Variants in SLC24A2 observed in about 807,000 individuals in gnomAD.
SLC24A2 encodes the protein solute carrier family 24 member 2.
In SLC24A2, 36 loss-of-function variants were observed where a neutral mutation model predicts 62.0. That is an observed-to-expected ratio of 0.58 (90% CI 0.44 to 0.77). The LOEUF is 0.77. SLC24A2 is among the 30% of genes least tolerant of loss of function. The probability of loss-of-function intolerance (pLI) is 0.00; values close to 1 mark genes in which losing one functional copy is unlikely to be tolerated. For missense variants in SLC24A2, 846 were observed against 817.9 expected, an observed-to-expected ratio of 1.03 and a Z score of -0.42; for synonymous variants, 358 against 294.0, an observed-to-expected ratio of 1.22 and a Z score of -2.23.
At chr9:19,527,980 A>G in intron 9 of SLC24A2, 69 bp downstream of exon 9, 1 of 984,698 alleles carries the variant, frequency 1.0e-6, no homozygotes, top group Non-Finnish European at 1.6e-6. Flanking sequence ...AGCAAACACA[A>G]TGATTAAACA....
At chr9:20,275,259 G>A in the SLC24A2 span, among the ~76,000 whole-genome samples, 1 of 152,134 alleles carries the variant, frequency 6.6e-6, no homozygotes, top group African/African-American at 2.4e-5. Flanking sequence ...AAGAGGACTT[G>A]AAAATCACGG....
the SLC24A2 span, among the ~76,000 whole-genome samples, chr9:20,232,044 T>C: frequency 6.6e-6 from 1 of 152,216 alleles, no homozygotes; most frequent in Non-Finnish European, 1.5e-5. Flanking sequence ...CATTTATTGA[T>C]TTGCATATGT....
intron 2 of SLC24A2, among the ~76,000 whole-genome samples, chr9:19,720,837 ATGTGTGTGTGTGTGTGTGTGTGTGTGTG>A (rs10692458): frequency 7.1e-6 from 1 of 140,434 alleles, no homozygotes; most frequent in Admixed American, 7.1e-5. Flanking sequence ...ATGTGGAATG[ATGTGTGTGTGTGTGTGTGTGTGTGTGTG>A]TGTGTGTGTG....
chr9:19,900,642 T>C, the SLC24A2 span, among the ~76,000 whole-genome samples: 2 of 152,206 alleles, frequency 1.3e-5, no homozygotes, highest in African/African-American at 4.8e-5. Context: ...TGAAACAAAG[T>C]ATGCAAATAA....
the SLC24A2 span, among the ~76,000 whole-genome samples, chr9:19,902,154 G>A: frequency 6.6e-6 from 1 of 152,122 alleles, no homozygotes; most frequent in Non-Finnish European, 1.5e-5. Flanking sequence ...GGTTGGTTGT[G>A]TCTAAACTGC....
chr9:19,979,524 T>C, the SLC24A2 span, among the ~76,000 whole-genome samples: 1 of 152,200 alleles, frequency 6.6e-6, no homozygotes. Context: ...CATATAGACA[T>C]ACACGCTTTT....
the SLC24A2 span, among the ~76,000 whole-genome samples, chr9:20,300,813 T>A: frequency 2.0e-5 from 3 of 152,220 alleles, no homozygotes; most frequent in Non-Finnish European, 2.9e-5. Context: ...TTAGGGGCAA[T>A]GCTTTGTTCT....
intron 8 of SLC24A2, among the ~76,000 whole-genome samples, chr9:19,546,775 G>T (rs7860017): frequency 0.85 from 128,919 of 151,758 alleles, 54,973 homozygotes; most frequent in East Asian, 1. Context: ...GCTAGCTCAG[G>T]GTCTGCCCAA....
the SLC24A2 span, among the ~76,000 whole-genome samples, chr9:19,921,805 C>G: frequency 2.0e-5 from 3 of 152,114 alleles, no homozygotes; most frequent in Non-Finnish European, 4.4e-5. Flanking sequence ...AAAAGAGACT[C>G]CAAGCCCTGC....
intron 8 of SLC24A2, among the ~76,000 whole-genome samples, chr9:19,538,930 T>TG (rs1834109037): frequency 1.5e-5 from 2 of 131,156 alleles, no homozygotes. Context: ...GGTTTAGTCT[T>TG]GGGAGAGTGT....
chr9:20,307,858 C>G, the SLC24A2 span, among the ~76,000 whole-genome samples: 1 of 152,156 alleles, frequency 6.6e-6, no homozygotes, highest in Non-Finnish European at 1.5e-5. Flanking sequence ...CTTTGCTCAG[C>G]TGCAGCAATT....
At chr9:20,177,474 A>G in the SLC24A2 span, among the ~76,000 whole-genome samples, 1 of 152,234 alleles carries the variant, frequency 6.6e-6, no homozygotes, top group African/African-American at 2.4e-5. Context: ...CCAAAAGAGC[A>G]CAAATGACCC....
chr9:19,820,070 T>TAC, the SLC24A2 span, among the ~76,000 whole-genome samples: 1 of 123,614 alleles, frequency 8.1e-6, no homozygotes, highest in African/African-American at 3.1e-5. Flanking sequence ...TATATATATA[T>TAC]ATATATATAT....
chr9:20,281,168 G>A, the SLC24A2 span, among the ~76,000 whole-genome samples: 20 of 152,102 alleles, frequency 1.3e-4, no homozygotes, highest in African/African-American at 3.9e-4. Context: ...GGGCTCAAGC[G>A]ATCCTCCAGC....
chr9:19,983,735 T>C, the SLC24A2 span, among the ~76,000 whole-genome samples: 1 of 152,124 alleles, frequency 6.6e-6, no homozygotes, highest in African/African-American at 2.4e-5. Flanking sequence ...TACAATTGCA[T>C]GCAATTGAAT....
intron 2 of SLC24A2, among the ~76,000 whole-genome samples, chr9:19,652,939 GTTTCA>G (rs1818842568): frequency 6.3e-5 from 1 of 15,900 alleles, no homozygotes; most frequent in African/African-American, 2.6e-4. Context: ...CTTCCATCCT[GTTTCA>G]ACCTTCTCTT....
chr9:19,517,935 A>T (rs1000307106), intron 10 of SLC24A2, among the ~76,000 whole-genome samples: 45 of 148,154 alleles, frequency 3.0e-4, no homozygotes, highest in South Asian at 1.6e-3. Context: ...ACACACACAC[A>T]CACACACACA....
the SLC24A2 span, among the ~76,000 whole-genome samples, chr9:20,179,899 C>T: frequency 0.7 from 106,174 of 151,982 alleles, 38,508 homozygotes; most frequent in East Asian, 0.81. Flanking sequence ...GAGTTTGGCA[C>T]ACTTATGACC....
the SLC24A2 span, among the ~76,000 whole-genome samples, chr9:20,096,371 T>G: frequency 1.3e-5 from 2 of 152,202 alleles, no homozygotes; most frequent in Non-Finnish European, 2.9e-5. Context: ...TGATTATTGA[T>G]TTAGTCTCCT....
Sources: gnomAD v4.1 joint callset for allele counts (sites outside exome capture counted in the v4.1 genomes callset) on GRCh38, gnomAD v4.1.1 for gene constraint, MANE v1.5 for transcripts, NCBI Gene and HGNC (gene_info 2026-07-23, HGNC 2026-07-21) for gene names.